The following ANK2 variants were observed in gnomAD, a reference collection of about 807,000 sequenced individuals.
ANK2 encodes the protein ankyrin-2.
A neutral mutation model predicts 360.5 loss-of-function variants in ANK2; 83 were observed. The ratio of observed to expected loss-of-function variants is 0.23; its 90% confidence interval spans 0.19 to 0.28. The LOEUF (loss-of-function observed/expected upper bound fraction) is 0.28. Among genes scored for constraint, ANK2 ranks in the 10% least tolerant of loss-of-function variants. ANK2 has a pLI of 1.00. For synonymous variants in ANK2, 1,740 were observed against 1,759.5 expected, an observed-to-expected ratio of 0.99 and a Z score of 0.28; for missense variants, 4,201 against 4,795.7, an observed-to-expected ratio of 0.88 and a Z score of 3.66.
intron 2 of ANK2, among the ~76,000 whole-genome samples, chr4:113,029,745 A>G (rs2060012410): frequency 6.6e-6 from 1 of 152,042 alleles, no homozygotes; most frequent in Admixed American, 6.6e-5. Context: ...CTCTCTGTCC[A>G]TCCATACCTC....
chr4:113,085,099 C>T (rs910856613), intron 1 of ANK2, among the ~76,000 whole-genome samples: 1 of 152,098 alleles, frequency 6.6e-6, no homozygotes, highest in Non-Finnish European at 1.5e-5. Context: ...ACACTAGAAA[C>T]GGCCATTCGT....
intron 2 of ANK2, among the ~76,000 whole-genome samples, chr4:112,956,924 C>T (rs539328445): frequency 1.6e-3 from 246 of 151,322 alleles, no homozygotes; most frequent in Admixed American, 2.6e-3. Context: ...TAGGCACTAC[C>T]TCTACTATGT....
chr4:113,364,981 AAG>A, intron 40 of ANK2, 56 bp from the exon 41 acceptor site: 1 of 1,608,722 alleles, frequency 6.2e-7, no homozygotes, highest in Non-Finnish European at 8.5e-7. Flanking sequence ...AGTTGAGTGA[AAG>A]AGATTTTTAA....
At chr4:113,321,977 C>G (rs559982476) in intron 26 of ANK2, among the ~76,000 whole-genome samples, 1 of 152,318 alleles carries the variant, frequency 6.6e-6, no homozygotes, top group South Asian at 2.1e-4. Flanking sequence ...GGTGATTCAC[C>G]TGCCTTGGCC....
intron 2 of ANK2, among the ~76,000 whole-genome samples, chr4:112,995,487 A>G (rs564009845): frequency 2.6e-5 from 4 of 152,188 alleles, no homozygotes; most frequent in East Asian, 3.9e-4. Context: ...TAGATTCTGG[A>G]TATTAGACCT....
At chr4:112,958,854 T>TCTTTTTCTTTTTC (rs1341165978) in intron 2 of ANK2, among the ~76,000 whole-genome samples, 1 of 149,386 alleles carries the variant, frequency 6.7e-6, no homozygotes, top group African/African-American at 2.6e-5. Flanking sequence ...GATTTCTTTT[T>TCTTTTTCTTTTTC]CTTTTTTTTT....
intron 9 of ANK2, among the ~76,000 whole-genome samples, chr4:113,247,073 G>C (rs1296801185): frequency 1.3e-5 from 2 of 151,638 alleles, no homozygotes; most frequent in African/African-American, 4.9e-5. Flanking sequence ...TACATAAGTG[G>C]CATCCCTCCA....
intron 2 of ANK2, among the ~76,000 whole-genome samples, chr4:112,937,097 A>G (rs1262903321): frequency 6.6e-6 from 1 of 152,048 alleles, no homozygotes; most frequent in African/African-American, 2.4e-5. Context: ...TGGCCTACTT[A>G]TAGTTTTTAA....
chr4:113,129,058 C>T (rs953981518), intron 1 of ANK2, among the ~76,000 whole-genome samples: 9 of 152,106 alleles, frequency 5.9e-5, no homozygotes, highest in Non-Finnish European at 1.0e-4. Flanking sequence ...CTCCCAATGA[C>T]TGAATACACA....
At chr4:112,863,634 T>C (rs539461842) in intron 1 of ANK2, among the ~76,000 whole-genome samples, 5,419 of 149,070 alleles carry the variant, frequency 0.036, 129 homozygotes, top group African/African-American at 0.058. Context: ...GCCATTCTCC[T>C]GCCTCAGCCT....
chr4:112,918,196 GGAAAA>G lies in ANK2; in HGVS notation c.21+13684_21+13688del, dbSNP rs1200794715. ...TCTGATTGATTAGGGGCAGCTTCCTGGAAAAGTCTTGAGAAGGGCTCTGAGCTCAG... is the reference window on the plus strand; with the variant it reads ...TCTGATTGATTAGGGGCAGCTTCCTGGTCTTGAGAAGGGCTCTGAGCTCAG... On this transcript the variant is annotated intron_variant, in intron 2 of 30. Transcript: ENST00000503271. 9.9e-5 allele frequency among the ~76,000 whole-genome samples: 15 copies of G among 152,246 alleles called. 1 individual carries two copies. The highest frequency in any genetic ancestry group is 3.6e-4 in the African/African-American group (15 of 41,536).
the ANK2 span, among the ~76,000 whole-genome samples, chr4:112,764,152 C>T: frequency 1.3e-5 from 2 of 149,594 alleles, no homozygotes; most frequent in Non-Finnish European, 3.0e-5. Context: ...ACCATCTTGG[C>T]CAGGCTGGTC....
chr4:113,358,678 C>T lies in ANK2; in HGVS notation c.10060C>T (p.Leu3354Phe), dbSNP rs1564061618. The T allele has an allele frequency of 6.2e-7, 1 of 1,614,050 alleles. No individual in the cohort carries two copies. Among genetic ancestry groups the T allele is most frequent in the Admixed American group, 1.7e-5 (1 of 59,994 alleles). The change falls in exon 38 of 46, where the codon CTC (leucine) becomes TTC (phenylalanine). Residue 3354 changes from leucine to phenylalanine, a missense_variant. Around this residue, in one of 4 missense-constraint regions of ANK2, gnomAD observed 2,642 missense variants for 2,714.5 expected, o/e 0.97. Transcript: ENST00000357077. ...GTCCAAACTCCCTGTCAAAGTACCC[C>T]TCCAAAGAGTTGAACAGCAGCTCTC... ...PKSKLPVKVP[L>F]QRVEQQLSDL...
At position 113,199,120 on chromosome 4, in the gene ANK2, C is replaced by A. The variant is rs2153405993; in HGVS notation, c.384+11C>A. The A allele has an allele frequency of 6.3e-7, 1 of 1,583,340 alleles. No homozygotes were observed. The highest frequency in any genetic ancestry group is 8.7e-7 in the Non-Finnish European group (1 of 1,152,382). On this transcript the variant is annotated intron_variant, in intron 4 of 45. Transcript: ENST00000357077. ...AATGCACAGTCTCAGGTATTCCATT[C>A]AGATTTTCCCTGATGTACATACATT... is the stretch of plus-strand genomic sequence containing the variant.
At chr4:112,777,618 C>CT in the ANK2 span, among the ~76,000 whole-genome samples, 2,987 of 128,340 alleles carry the variant, frequency 0.023, 115 homozygotes, top group African/African-American at 0.075. Flanking sequence ...CATCTATAAT[C>CT]TTTTTTTTTT....
intron 31 of ANK2, among the ~76,000 whole-genome samples, 186 bp downstream of exon 31, chr4:113,336,967 G>C (rs1199935042): frequency 2.0e-5 from 3 of 152,222 alleles, no homozygotes; most frequent in East Asian, 1.9e-4. Context: ...AATGAAGTCT[G>C]TATGCCAAAC....
intron 43 of ANK2, among the ~76,000 whole-genome samples, chr4:113,371,678 A>G (rs973331309): frequency 1.1e-4 from 16 of 152,092 alleles, no homozygotes; most frequent in African/African-American, 3.9e-4. Flanking sequence ...AATTTTAATC[A>G]CTTTTCTTGC....
intron 18 of ANK2, 145 bp downstream of exon 18, chr4:113,283,017 A>G: frequency 1.1e-6 from 1 of 910,318 alleles, no homozygotes; most frequent in Non-Finnish European, 1.7e-6. Flanking sequence ...GAAGGGAGTC[A>G]AGCCTTATGA....
intron 25 of ANK2, 108 bp downstream of exon 25, chr4:113,317,917 A>T (rs1462754398): frequency 1.1e-6 from 1 of 899,340 alleles, no homozygotes; most frequent in Non-Finnish European, 1.8e-6. Context: ...AATCATTCCC[A>T]ATTCAGTTGA....
Sources: gnomAD v4.1 joint callset for allele counts (sites outside exome capture counted in the v4.1 genomes callset) on GRCh38, gnomAD v4.1.1 for gene constraint, gnomAD v4.1.1 regional missense constraint, MANE v1.5 for transcripts, NCBI Gene and HGNC (gene_info 2026-07-23, HGNC 2026-07-21) for gene names.